ADGRB3: variants seen among roughly 807,000 people sequenced by gnomAD.
ADGRB3 encodes the protein brain-specific angiogenesis inhibitor 3.
ADGRB3 carries 37 observed loss-of-function variants against 193.4 expected under a neutral mutation model. The ratio of observed to expected loss-of-function variants is 0.19; its 90% CI spans 0.15 to 0.25. The LOEUF (loss-of-function observed/expected upper bound fraction) is 0.25, where lower values mean the gene tolerates loss of function less well. Among genes scored for constraint, ADGRB3 ranks in the 10% least tolerant of loss-of-function variants. The pLI is 1.00. For synonymous variants in ADGRB3, 690 were observed against 644.2 expected (o/e 1.07, Z -1.08); for missense variants, 1,637 against 1,852.9 (o/e 0.88, Z 2.14).
chr6:68,808,620 A>C (rs1767454102), intron 3 of ADGRB3, among the ~76,000 whole-genome samples: 1 of 152,164 alleles, frequency 6.6e-6, no homozygotes, highest in South Asian at 2.1e-4. Flanking sequence ...ATTTCATACT[A>C]TCTCTTAGAA....
intron 8 of ADGRB3, among the ~76,000 whole-genome samples, chr6:68,957,765 A>G (rs552504684): frequency 1.3e-5 from 2 of 152,312 alleles, no homozygotes; most frequent in African/African-American, 4.8e-5. Context: ...GTATTCTAAG[A>G]GCTATCCAGG....
intron 10 of ADGRB3, among the ~76,000 whole-genome samples, chr6:68,982,817 T>C (rs1421356856): frequency 6.6e-6 from 1 of 152,204 alleles, no homozygotes; most frequent in Non-Finnish European, 1.5e-5. Flanking sequence ...CCAAATTATA[T>C]TCATTTATCT....
Position 68,940,547 on chromosome 6 carries a change from C to CTTTTTTTTTTTTT in ADGRB3, c.1031-3274_1031-3262dup. ...CTGCAGGCTAAGGAATGCTTTTGAACTTTTTTTTTTTTTTTTTTTTTGCTA... is the reference window on the plus strand; with the variant it reads ...CTGCAGGCTAAGGAATGCTTTTGAACTTTTTTTTTTTTTTTTTTTTTTTTTTTTTTTTTTGCTA... On this transcript the variant is annotated intron_variant, in intron 5 of 31. Transcript: ENST00000370598. Among the ~76,000 whole-genome samples the CTTTTTTTTTTTTT allele has an allele frequency of 1.6e-4, 11 of 69,204 alleles. 1 individual carries two copies. Among genetic ancestry groups the CTTTTTTTTTTTTT allele is most frequent in the Non-Finnish European group, 2.1e-4 (8 of 38,642 alleles). 45.4% of individuals were successfully genotyped at this position (69,204 alleles called of 152,430 possible). A position where few individuals can be genotyped will look rare whatever the true frequency, so the allele number is the denominator to read the frequency against.
chr6:69,172,986 G>A (rs1466180220), intron 17 of ADGRB3, among the ~76,000 whole-genome samples: 1 of 152,174 alleles, frequency 6.6e-6, no homozygotes, highest in Non-Finnish European at 1.5e-5. Context: ...GATCAGTCAG[G>A]GCCCTTTAGG....
intron 3 of ADGRB3, among the ~76,000 whole-genome samples, chr6:68,826,323 A>T (rs1012321409): frequency 2.6e-5 from 4 of 152,178 alleles, no homozygotes; most frequent in African/African-American, 9.7e-5. Flanking sequence ...CTTCACTGAG[A>T]AGAAAGAATT....
chr6:69,387,068 C>T (rs981875339), intron 31 of ADGRB3, among the ~76,000 whole-genome samples: 1 of 152,010 alleles, frequency 6.6e-6, no homozygotes, highest in African/African-American at 2.4e-5. Flanking sequence ...CTCCTTGGCC[C>T]ACAATATAAA....
At chr6:69,091,914 A>G (rs775387010) in intron 17 of ADGRB3, among the ~76,000 whole-genome samples, 19 of 152,216 alleles carry the variant, frequency 1.2e-4, no homozygotes, top group Admixed American at 6.5e-5. Flanking sequence ...ATAACTTTTA[A>G]TTATAAAGTT....
chr6:69,101,922 G>A lies in ADGRB3; in HGVS notation c.2480+25884G>A, dbSNP rs187674602. ...TTAAGACTCTCGGCCGGGCTCAGTG[G>A]CTCACACTTGTAATCCCAGCACTTT... On this transcript the variant is annotated intron_variant, in intron 17 of 31. Coordinates refer to ENST00000370598, the MANE Select transcript of ADGRB3 (RefSeq NM_001704.3). Among the ~76,000 whole-genome samples, 749 of 152,192 alleles carry A rather than the reference G, an allele frequency of 4.9e-3. 7 individuals are homozygous for A. Among genetic ancestry groups the A allele is most frequent in the African/African-American group, 0.017 (689 of 41,526 alleles).
rs1768198631 is a variant in ADGRB3 at position 69,311,733 on chromosome 6, T to A, written c.2815-13139T>A. ...CAAATCAAGAGGGGACCCTTCTTTT[T>A]ATTAAATTTCAGTCCTTCTCATGTG... On this transcript the variant is annotated intron_variant, in intron 20 of 31. Coordinates refer to ENST00000370598, the MANE Select transcript of ADGRB3 (RefSeq NM_001704.3). Among the ~76,000 whole-genome samples, 5 of 151,768 alleles carry A rather than the reference T, an allele frequency of 3.3e-5. No homozygotes were observed. In the South Asian group the frequency reaches 1.0e-3, roughly 31 times the overall value.
At chr6:69,303,669 A>T (rs1399891767) in intron 20 of ADGRB3, among the ~76,000 whole-genome samples, 1 of 150,826 alleles carries the variant, frequency 6.6e-6, no homozygotes, top group Admixed American at 6.6e-5. Context: ...TCTGAAACTT[A>T]AAAAAAAAAT....
chr6:68,698,506 A>T (rs1393055937), intron 3 of ADGRB3, among the ~76,000 whole-genome samples: 1 of 151,984 alleles, frequency 6.6e-6, no homozygotes, highest in Non-Finnish European at 1.5e-5. Flanking sequence ...AGTTTATTTT[A>T]TTTGAGATTA....
At chr6:68,645,381 C>T (rs1313409842) in intron 3 of ADGRB3, among the ~76,000 whole-genome samples, 1 of 152,080 alleles carries the variant, frequency 6.6e-6, no homozygotes, top group Non-Finnish European at 1.5e-5. Context: ...TGGAATATTT[C>T]AGTTCCTGTC....
At chr6:69,098,248 ACT>A (rs1405684211) in intron 17 of ADGRB3, among the ~76,000 whole-genome samples, 2 of 152,206 alleles carry the variant, frequency 1.3e-5, no homozygotes, top group Admixed American at 6.5e-5. Context: ...CTGTTTTACT[ACT>A]TTGAATATCA....
chr6:68,884,677 T>G (rs1156886860), intron 3 of ADGRB3, among the ~76,000 whole-genome samples: 2 of 151,842 alleles, frequency 1.3e-5, no homozygotes, highest in African/African-American at 2.4e-5. Flanking sequence ...AATCTGGCAG[T>G]GAAAGAGATA....
intron 23 of ADGRB3, among the ~76,000 whole-genome samples, chr6:69,331,379 A>G (rs1340925166): frequency 6.6e-6 from 1 of 152,174 alleles, no homozygotes; most frequent in South Asian, 2.1e-4. Context: ...AAGGGAGGAA[A>G]GAAACTGTCT....
chr6:69,152,074 A>G (rs1216074227), intron 17 of ADGRB3, among the ~76,000 whole-genome samples: 3 of 152,236 alleles, frequency 2.0e-5, no homozygotes, highest in Admixed American at 6.5e-5. Context: ...CTGTGAGTCA[A>G]TTAAACCTCT....
chr6:68,638,639 A>C, intron 2 of ADGRB3, 22 bp from the exon 3 acceptor site: 1 of 1,563,714 alleles, frequency 6.4e-7, no homozygotes, highest in Non-Finnish European at 8.6e-7. Flanking sequence ...CTTGCATTTT[A>C]CTTTCATTGC....
rs534041205 is a variant in ADGRB3, at chr6:69,361,976, G to A, written c.4239+464G>A. ...AGCAACTGTTAAAAATTACAAAATT[G>A]GAATATTTCTCTAAATGTTTTACCA... On this transcript the variant is annotated intron_variant, in intron 29 of 31. Coordinates refer to ENST00000370598, the MANE Select transcript of ADGRB3 (RefSeq NM_001704.3). Among the ~76,000 whole-genome samples the A allele has an allele frequency of 2.2e-4, 33 of 151,698 alleles. No homozygotes were observed. The South Asian group carries it at 5.6e-3, about 26-fold the overall frequency.
intron 17 of ADGRB3, chr6:69,233,076 C>A: frequency 1.6e-6 from 1 of 625,850 alleles, no homozygotes; most frequent in Admixed American, 3.3e-5. Context: ...GCTCTCTGCA[C>A]GCCGCACCGC....
Sources: gnomAD v4.1 joint callset for allele counts (sites outside exome capture counted in the v4.1 genomes callset) on GRCh38, gnomAD v4.1.1 for gene constraint, MANE v1.5 for transcripts, NCBI Gene and HGNC (gene_info 2026-07-23, HGNC 2026-07-21) for gene names.